Variants in DLG2 observed in about 807,000 individuals in gnomAD.
The protein encoded by DLG2 is discs large MAGUK scaffold protein 2.
DLG2 carries 45 observed loss-of-function variants against 132.5 expected under a neutral mutation model. That is an observed-to-expected ratio of 0.34 (90% CI 0.27 to 0.44). The LOEUF is 0.44. Ranked by LOEUF, DLG2 falls within the 20% of genes least tolerant of loss-of-function variation. The pLI is 1.00. For missense variants in DLG2, 1,045 were observed against 1,196.9 expected, an observed-to-expected ratio of 0.87 and a Z score of 1.87; for synonymous variants, 424 against 419.6, an observed-to-expected ratio of 1.01 and a Z score of -0.13.
chr11:85,002,873 G>A (rs1011374731), intron 6 of DLG2, among the ~76,000 whole-genome samples: 2 of 151,942 alleles, frequency 1.3e-5, no homozygotes, highest in East Asian at 1.9e-4. Context: ...ATATGACAGG[G>A]ATGAAGACCT....
At chr11:84,649,303 T>C (rs17206044) in intron 6 of DLG2, among the ~76,000 whole-genome samples, 23,703 of 152,122 alleles carry the variant, frequency 0.16, 2,237 homozygotes, top group South Asian at 0.27. Context: ...TGTACAAATA[T>C]CCCATTTTCA....
intron 7 of DLG2, among the ~76,000 whole-genome samples, chr11:84,262,307 T>C (rs1372384708): frequency 6.6e-6 from 1 of 152,150 alleles, no homozygotes; most frequent in Non-Finnish European, 1.5e-5. Flanking sequence ...ATTATTCCAC[T>C]GTACATTTCA....
At chr11:85,591,150 T>C (rs2079303228) in intron 3 of DLG2, among the ~76,000 whole-genome samples, 1 of 152,278 alleles carries the variant, frequency 6.6e-6, no homozygotes. Flanking sequence ...ACTTAAGAAA[T>C]ACTTGATCCT....
In DLG2 at chr11:84,864,935, G is replaced by C. The variant is rs562326970; in HGVS notation, c.357+246726C>G. On this transcript the variant is annotated intron_variant, in intron 6 of 27. Coordinates refer to ENST00000376104, the MANE Select transcript of DLG2 (RefSeq NM_001142699.3). The stretch of plus-strand genomic sequence containing the variant: ...GAGATATGAAAATTCATAGGTGTTG[G>C]GGAGTGAATTATTTATAATTCTTGG... Among the ~76,000 whole-genome samples the C allele has an allele frequency of 2.6e-5, 4 of 152,134 alleles. No homozygotes were observed. In the South Asian group the frequency reaches 8.3e-4, roughly 32 times the overall value.
At chr11:83,606,126 T>C (rs1017343365) in intron 19 of DLG2, among the ~76,000 whole-genome samples, 6 of 152,182 alleles carry the variant, frequency 3.9e-5, no homozygotes, top group African/African-American at 1.4e-4. Flanking sequence ...AAATTATCTT[T>C]TCATACTTAA....
At chr11:84,012,154 T>G (rs938686612) in intron 11 of DLG2, among the ~76,000 whole-genome samples, 2 of 152,144 alleles carry the variant, frequency 1.3e-5, no homozygotes, top group Non-Finnish European at 2.9e-5. Flanking sequence ...AATGCTATAT[T>G]TTGAAGTTTA....
intron 7 of DLG2, among the ~76,000 whole-genome samples, chr11:84,531,269 A>T (rs1307945976): frequency 2.6e-5 from 4 of 152,206 alleles, no homozygotes; most frequent in Admixed American, 6.5e-5. Flanking sequence ...GTGGGACCTA[A>T]ACAATGAGTA....
intron 22 of DLG2, among the ~76,000 whole-genome samples, chr11:83,477,604 T>C (rs746575462): frequency 6.6e-6 from 1 of 152,190 alleles, no homozygotes; most frequent in African/African-American, 2.4e-5. Flanking sequence ...ACACAATGGA[T>C]TGTGAAACAC....
chr11:84,112,495 T>C (rs1047563083), intron 9 of DLG2, among the ~76,000 whole-genome samples: 1 of 152,052 alleles, frequency 6.6e-6, no homozygotes, highest in Non-Finnish European at 1.5e-5. Flanking sequence ...TTTTACTCTT[T>C]ACTCTGTTTT....
rs548266715 is a variant in DLG2 at position 85,331,366 on chromosome 11, G to T, written c.41-46001C>A. ...ATATTCACTTTTAAAGATGCTAGCG[G>T]TAATAAAATCATTTAACTTCTTTTT... On this transcript the variant is annotated intron_variant, in intron 3 of 27. Transcript: ENST00000376104. 2.4e-4 allele frequency among the ~76,000 whole-genome samples: 37 copies of T among 152,304 alleles called. 1 individual carries two copies. Among genetic ancestry groups the T allele is most frequent in the Admixed American group, 8.5e-4 (13 of 15,292 alleles).
intron 2 of DLG2, among the ~76,000 whole-genome samples, chr11:85,614,785 TACTAC>T (rs1479416331): frequency 6.6e-6 from 1 of 152,206 alleles, no homozygotes; most frequent in Non-Finnish European, 1.5e-5. Context: ...TCCTAAGAAC[TACTAC>T]TATATACATT....
chr11:85,170,906 A>G (rs927501937), intron 4 of DLG2, among the ~76,000 whole-genome samples: 9 of 151,670 alleles, frequency 5.9e-5, no homozygotes, highest in African/African-American at 1.9e-4. Context: ...CCCTTCTCTA[A>G]TTAGGACTCC....
chr11:84,229,056 G>C (rs1321675401), intron 8 of DLG2, among the ~76,000 whole-genome samples: 1 of 152,054 alleles, frequency 6.6e-6, no homozygotes, highest in Non-Finnish European at 1.5e-5. Flanking sequence ...ATAGATGCTG[G>C]GAATTATAAT....
intron 6 of DLG2, among the ~76,000 whole-genome samples, chr11:84,644,018 G>C (rs1012284698): frequency 1.3e-5 from 2 of 152,184 alleles, no homozygotes; most frequent in Non-Finnish European, 2.9e-5. Flanking sequence ...CAGAGATACA[G>C]AGCTGGTAAG....
intron 6 of DLG2, among the ~76,000 whole-genome samples, chr11:84,845,575 G>T (rs2081351859): frequency 1.3e-5 from 2 of 151,880 alleles, no homozygotes; most frequent in African/African-American, 4.8e-5. Flanking sequence ...AAATCTAATG[G>T]ACATCTGTTT....
chr11:84,441,113 C>T (rs191582797), intron 7 of DLG2, among the ~76,000 whole-genome samples: 7 of 149,506 alleles, frequency 4.7e-5, no homozygotes, highest in African/African-American at 1.5e-4. Flanking sequence ...AGTCCTTTGG[C>T]TAATGTCTGA....
chr11:83,882,549 A>T (rs899678886), intron 15 of DLG2, among the ~76,000 whole-genome samples: 9 of 152,226 alleles, frequency 5.9e-5, no homozygotes, highest in African/African-American at 2.2e-4. Context: ...GTCAGCAATG[A>T]CGTGGTGACT....
At chr11:83,740,421 T>C (rs2092410219) in intron 18 of DLG2, among the ~76,000 whole-genome samples, 1 of 152,228 alleles carries the variant, frequency 6.6e-6, no homozygotes, top group African/African-American at 2.4e-5. Context: ...ATATACTATA[T>C]GATTATATTT....
intron 6 of DLG2, among the ~76,000 whole-genome samples, chr11:84,575,907 T>C (rs1433815624): frequency 2.0e-5 from 3 of 152,206 alleles, no homozygotes; most frequent in African/African-American, 7.2e-5. Context: ...ATTAAAAAAC[T>C]ACATCCCAGT....
Sources: gnomAD v4.1 joint callset for allele counts (sites outside exome capture counted in the v4.1 genomes callset) on GRCh38, gnomAD v4.1.1 for gene constraint, MANE v1.5 for transcripts, NCBI Gene and HGNC (gene_info 2026-07-23, HGNC 2026-07-21) for gene names.